CMIP: variants seen among roughly 807,000 people sequenced by gnomAD.
The protein encoded by CMIP is c-Maf inducing protein.
In CMIP, 13 loss-of-function variants were observed where a neutral mutation model predicts 97.3. The observed-to-expected ratio is 0.13, with a 90% CI of 0.09 to 0.21. The LOEUF (loss-of-function observed/expected upper bound fraction) is 0.21. Ranked by LOEUF, CMIP falls within the 10% of genes least tolerant of loss-of-function variation. The probability of loss-of-function intolerance (pLI) is 1.00; values close to 1 mark genes in which losing one functional copy is unlikely to be tolerated. For synonymous variants in CMIP, 538 were observed against 436.3 expected, an observed-to-expected ratio of 1.23 and a Z score of -2.91; for missense variants, 847 against 1,024.9, an observed-to-expected ratio of 0.83 and a Z score of 2.37.
chr16:81,557,220 C>T (rs967498737), intron 1 of CMIP, among the ~76,000 whole-genome samples: 1 of 152,188 alleles, frequency 6.6e-6, no homozygotes, highest in African/African-American at 2.4e-5. Flanking sequence ...AAGCCACCTC[C>T]CCCACGAGAT....
intron 1 of CMIP, among the ~76,000 whole-genome samples, chr16:81,599,763 T>C (rs1013787212): frequency 6.6e-6 from 1 of 152,182 alleles, no homozygotes; most frequent in Non-Finnish European, 1.5e-5. Context: ...GTGCCTCAGT[T>C]TCTTCCTCTG....
intron 1 of CMIP, among the ~76,000 whole-genome samples, chr16:81,579,251 C>T (rs767144884): frequency 6.6e-6 from 1 of 152,184 alleles, no homozygotes; most frequent in Admixed American, 6.5e-5. Flanking sequence ...CCTTGCAAGA[C>T]AGAGGCCAGC....
chr16:81,664,426 T>C, intron 7 of CMIP, 77 bp downstream of exon 7: 1 of 1,391,328 alleles, frequency 7.2e-7, no homozygotes, highest in Non-Finnish European at 9.9e-7. Context: ...GCCTTTTGCG[T>C]TGGCACAGAT....
chr16:81,671,732 C>A (rs888441501), intron 8 of CMIP, among the ~76,000 whole-genome samples: 1 of 152,202 alleles, frequency 6.6e-6, no homozygotes, highest in African/African-American at 2.4e-5. Context: ...ACCCGGGAAC[C>A]CTGGATCCGG....
intron 11 of CMIP, among the ~76,000 whole-genome samples, chr16:81,692,941 C>A (rs1252564739): frequency 2.0e-5 from 3 of 152,146 alleles, no homozygotes; most frequent in African/African-American, 7.2e-5. Flanking sequence ...AATGGGGGGC[C>A]CAGTGTGTTC....
intron 1 of CMIP, among the ~76,000 whole-genome samples, chr16:81,462,187 T>C (rs574061560): frequency 9.5e-4 from 145 of 152,346 alleles, no homozygotes; most frequent in Non-Finnish European, 1.8e-3. Flanking sequence ...AGTGAGTCCT[T>C]TGTCACAGTC....
Position 81,570,490 on chromosome 16 carries a change from A to G in CMIP, c.301-37077A>G, listed in dbSNP as rs182574807. ...TTTTAGTCTATAAAATGTGCTAACA[A>G]TGGCCTCCTGGCAGGTGGTGGGACC... On this transcript the variant is annotated intron_variant, in intron 1 of 20. Transcript: ENST00000537098. 2.6e-4 allele frequency among the ~76,000 whole-genome samples: 40 copies of G among 152,242 alleles called. No homozygotes were observed. The East Asian group carries it at 3.5e-3, about 13-fold the overall frequency.
chr16:81,481,731 A>T (rs772125469), intron 1 of CMIP, among the ~76,000 whole-genome samples: 1 of 152,052 alleles, frequency 6.6e-6, no homozygotes, highest in Non-Finnish European at 1.5e-5. Context: ...GCTAAAGTTG[A>T]GGTGTTGTCT....
chr16:81,634,398 T>G (rs993657259), intron 3 of CMIP, among the ~76,000 whole-genome samples: 9 of 152,210 alleles, frequency 5.9e-5, no homozygotes, highest in Admixed American at 5.2e-4. Context: ...TGCTGCCTCC[T>G]TCTGTAACCA....
At chr16:81,572,939 T>C (rs2091120937) in intron 1 of CMIP, among the ~76,000 whole-genome samples, 2 of 152,196 alleles carry the variant, frequency 1.3e-5, no homozygotes, top group Non-Finnish European at 2.9e-5. Flanking sequence ...CACATCCCAG[T>C]TTCTTCAAAT....
chr16:81,535,616 A>G lies in CMIP; in HGVS notation c.301-71951A>G, dbSNP rs545865406. Among the ~76,000 whole-genome samples, 152 of 152,166 alleles carry G rather than the reference A, an allele frequency of 1.0e-3. 1 individual carries two copies. Among genetic ancestry groups the G allele is most frequent in the Non-Finnish European group, 1.8e-3 (120 of 68,006 alleles). On this transcript the variant is annotated intron_variant, in intron 1 of 20. Coordinates refer to ENST00000537098, the MANE Select transcript of CMIP (RefSeq NM_198390.3). ...CTGGCATAGAAAAAGCCCTTAATCTATTAGTAATAATACAATTATTATTAT... is the reference window on the plus strand; with the variant it reads ...CTGGCATAGAAAAAGCCCTTAATCTGTTAGTAATAATACAATTATTATTAT...
chr16:81,576,100 C>A (rs898174651), intron 1 of CMIP, among the ~76,000 whole-genome samples: 12 of 152,122 alleles, frequency 7.9e-5, no homozygotes, highest in African/African-American at 2.9e-4. Context: ...TTCTTGCATA[C>A]CTCTAAGCAA....
chr16:81,664,802 A>G (rs532541428), intron 7 of CMIP: 9 of 308,578 alleles, frequency 2.9e-5, no homozygotes, highest in African/African-American at 1.7e-4. Flanking sequence ...CAAGGTCAAC[A>G]TCGACAACAA....
chr16:81,602,325 G>A (rs989371901), intron 1 of CMIP, among the ~76,000 whole-genome samples: 7 of 152,176 alleles, frequency 4.6e-5, no homozygotes, highest in Admixed American at 4.6e-4. Context: ...AAAATAATCA[G>A]GAAAGTCACA....
chr16:81,701,839 C>T, intron 16 of CMIP, 39 bp downstream of exon 16: 3 of 1,611,194 alleles, frequency 1.9e-6, no homozygotes, highest in Non-Finnish European at 2.5e-6. Flanking sequence ...CCCTGCCCAG[C>T]AGGCCAGGGG....
rs2091876319 is a variant in CMIP at position 81,614,217 on chromosome 16, C to T, written c.426+6525C>T. Among the ~76,000 whole-genome samples, 1 of 152,178 alleles carries T rather than the reference C, an allele frequency of 6.6e-6. No individual in the cohort carries two copies. Among genetic ancestry groups the T allele is most frequent in the South Asian group, 2.1e-4 (1 of 4,832 alleles). ...GTTCCTGGTGGGGGAGTACACGCTG[C>T]ATGGAAGCCAGTCTGAGAGCAGGGC... is the stretch of plus-strand genomic sequence containing the variant. On this transcript the variant is annotated intron_variant, in intron 2 of 20. Transcript: ENST00000537098. This position sits in a 1 kb window ranked among gnomAD's most constrained non-coding sequence, Gnocchi z 5.3.
At position 81,657,860 on chromosome 16, in the gene CMIP, C is replaced by G. The variant is rs1472339478; in HGVS notation, c.681+44C>G. 17 of 1,515,242 alleles carry G rather than the reference C, an allele frequency of 1.1e-5. No individual in the cohort carries two copies. In the South Asian group the frequency reaches 1.9e-4, roughly 17 times the overall value. 93.9% of individuals were successfully genotyped at this position (1,515,242 alleles called of 1,614,324 possible). ...CGCTCCCTCCACCCACCTCCGCCTC[C>G]TGGAGCCTACAACCCTTTTCCTGGT... On this transcript the variant is annotated intron_variant, in intron 5 of 20. Transcript: ENST00000537098.
At chr16:81,522,319 C>A (rs1172697306) in intron 1 of CMIP, among the ~76,000 whole-genome samples, 1 of 152,188 alleles carries the variant, frequency 6.6e-6, no homozygotes, top group African/African-American at 2.4e-5. Flanking sequence ...AGGGACACAG[C>A]TTCAGTGCTG....
chr16:81,529,029 C>T (rs991881711), intron 1 of CMIP, among the ~76,000 whole-genome samples: 1 of 152,080 alleles, frequency 6.6e-6, no homozygotes, highest in Non-Finnish European at 1.5e-5. Flanking sequence ...GATGGCTTTA[C>T]CCATTGTAAA....
Sources: allele counts gnomAD v4.1 joint callset (sites outside exome capture counted in the v4.1 genomes callset), GRCh38; gene constraint gnomAD v4.1.1; non-coding constraint Gnocchi (gnomAD v3.1); transcripts MANE v1.5; gene names NCBI Gene and HGNC (gene_info 2026-07-23, HGNC 2026-07-21).